TG: variants seen among roughly 807,000 people sequenced by gnomAD.
TG encodes thyroid hormones.
Under a neutral mutation model 324.7 loss-of-function variants are expected in TG, and 270 were observed. That is an observed-to-expected ratio of 0.83 (90% CI 0.75 to 0.92). The LOEUF (loss-of-function observed/expected upper bound fraction) is 0.92. Ranked by LOEUF, TG falls within the 40% of genes least tolerant of loss-of-function variation. TG has a pLI of 0.00. For synonymous variants in TG, 1,401 were observed against 1,327.0 expected, an observed-to-expected ratio of 1.06 and a Z score of -1.21; for missense variants, 3,591 against 3,456.4, an observed-to-expected ratio of 1.04 and a Z score of -0.98.
At chr8:132,909,921 T>C (rs1026922009) in intron 18 of TG, among the ~76,000 whole-genome samples, 14 of 152,336 alleles carry the variant, frequency 9.2e-5, no homozygotes, top group African/African-American at 3.1e-4. Context: ...AAATTCTCCA[T>C]TTGTAATGTG....
intron 25 of TG, among the ~76,000 whole-genome samples, chr8:132,938,495 G>A (rs1823938256): frequency 6.6e-6 from 1 of 152,188 alleles, no homozygotes; most frequent in Non-Finnish European, 1.5e-5. Context: ...GAGTCTGAAA[G>A]GCCTTCCTGG....
At chr8:132,869,416 A>G (rs1839266033) in intron 2 of TG, among the ~76,000 whole-genome samples, 3 of 152,106 alleles carry the variant, frequency 2.0e-5, no homozygotes, top group Admixed American at 2.0e-4. Context: ...CAGCCTCATA[A>G]TGCCTGAGGA....
intron 8 of TG, among the ~76,000 whole-genome samples, chr8:132,883,996 C>T (rs920326816): frequency 6.6e-6 from 1 of 152,176 alleles, no homozygotes; most frequent in African/African-American, 2.4e-5. Context: ...TGCCAGCAAT[C>T]TGTGCATTCT....
intron 25 of TG, among the ~76,000 whole-genome samples, chr8:132,940,674 C>T (rs1220998132): frequency 2.0e-5 from 3 of 152,230 alleles, no homozygotes; most frequent in Non-Finnish European, 4.4e-5. Context: ...AGGGAAAACT[C>T]TGCAATGGTC....
chr8:132,881,851 A>G lies in TG; in HGVS notation c.639-12A>G. The G allele has an allele frequency of 6.3e-7, 1 of 1,591,722 alleles. No individual in the cohort carries two copies. Among genetic ancestry groups the G allele is most frequent in the South Asian group, 1.1e-5 (1 of 90,666 alleles). On this transcript the variant is annotated splice_polypyrimidine_tract_variant and intron_variant, in intron 5 of 47. Coordinates refer to ENST00000220616, the MANE Select transcript of TG (RefSeq NM_003235.5). The stretch of plus-strand genomic sequence containing the variant: ...TTTATGAATGGTGACCGTAAATCTC[A>G]TTCTCTCCAAGGTTTCCAGATGCAT...
Position 133,017,887 on chromosome 8 carries a change from A to G in TG, c.6672A>G (p.Gln2224=). ...TCCAGGTGGGTACCTCATGGAAGCA[A>G]GTGGACCAGTTCCTTGGAGTTCCAT... ...QAIQVGTSWK[Q]VDQFLGVPYA... The change falls in exon 38 of 48, where the codon CAA becomes CAG. Residue 2224 remains glutamine, a synonymous_variant. Coordinates refer to ENST00000220616, the MANE Select transcript of TG (RefSeq NM_003235.5). 6.2e-7 allele frequency: 1 copy of G among 1,614,084 alleles called. No homozygotes were observed. Among genetic ancestry groups the G allele is most frequent in the Non-Finnish European group, 8.5e-7 (1 of 1,180,002 alleles).
chr8:133,067,740 C>T (rs1564145010), intron 41 of TG, among the ~76,000 whole-genome samples: 2 of 151,524 alleles, frequency 1.3e-5, no homozygotes, highest in Non-Finnish European at 2.9e-5. Context: ...CGCACCGCTG[C>T]ACATTCCAGC....
At chr8:133,059,397 G>A (rs1207327626) in intron 41 of TG, among the ~76,000 whole-genome samples, 2 of 152,228 alleles carry the variant, frequency 1.3e-5, no homozygotes, top group Admixed American at 6.5e-5. Flanking sequence ...TGGATTTGAT[G>A]TTCAGCCTTT....
Position 132,898,550 on chromosome 8 carries a change from C to T in TG, c.3218-248C>T, listed in dbSNP as rs561132896. Among the ~76,000 whole-genome samples the T allele has an allele frequency of 1.6e-3, 241 of 152,312 alleles. 7 individuals carry two copies. The South Asian group carries it at 0.047, about 30-fold the overall frequency. ...CAGCCACTCCTGTAGTTTCAGCAACCGCCTCGCCTCTGAACCTGCAGCCCC... is the reference window on the plus strand; with the variant it reads ...CAGCCACTCCTGTAGTTTCAGCAACTGCCTCGCCTCTGAACCTGCAGCCCC... On this transcript the variant is annotated intron_variant, in intron 13 of 47. Coordinates refer to ENST00000220616, the MANE Select transcript of TG (RefSeq NM_003235.5).
chr8:132,916,948 A>C (rs1416733515), intron 20 of TG, among the ~76,000 whole-genome samples: 6 of 149,532 alleles, frequency 4.0e-5, no homozygotes, highest in African/African-American at 1.5e-4. Context: ...CTGCTTACCT[A>C]CTTTCCTTCC....
chr8:132,886,860 C>A lies in TG; in HGVS notation c.1488C>A (p.Asn496Lys). ...CCCTTGGCACAAGAGGCACATTTAA[C>A]TTCAGTCAATTTTTCCAGCAACTTG... ...SGALGTRGTFNFSQFFQQLGL... is the reference protein window; with the variant it reads ...SGALGTRGTFKFSQFFQQLGL... Residue 496 changes from asparagine (N) to lysine (K), a missense_variant, in exon 9 of 48, where the codon AAC becomes AAA. Coordinates refer to ENST00000220616, the MANE Select transcript of TG (RefSeq NM_003235.5). 1.9e-6 allele frequency: 3 copies of A among 1,614,140 alleles called. No individual in the cohort carries two copies. The highest frequency in any genetic ancestry group is 2.5e-6 in the Non-Finnish European group (3 of 1,180,030).
At chr8:133,075,120 C>G in intron 41 of TG, 5 of 985,456 alleles carry the variant, frequency 5.1e-6, no homozygotes, top group Non-Finnish European at 6.0e-6. Flanking sequence ...GCAAGCTTCT[C>G]TCTGCAAGGA....
rs554280427 is a variant in TG, at chr8:132,901,311, G to T, written c.3434-42G>T. On this transcript the variant is annotated intron_variant, in intron 15 of 47. Coordinates refer to ENST00000220616, the MANE Select transcript of TG (RefSeq NM_003235.5). ...GTGATTGGGCATCTGAGCAGGGAGT[G>T]GGCACTGATTCCCCAGCCCATCTGG... The T allele has an allele frequency of 9.3e-6, 15 of 1,609,908 alleles. No individual in the cohort carries two copies. The South Asian group carries it at 1.5e-4, about 17-fold the overall frequency.
chr8:132,965,424 A>C (rs1362581264), intron 29 of TG, among the ~76,000 whole-genome samples: 1 of 152,222 alleles, frequency 6.6e-6, no homozygotes, highest in South Asian at 2.1e-4. Flanking sequence ...AAGCACTACA[A>C]GGAAAGTGCA....
chr8:133,090,093 T>C (rs1847250212), intron 41 of TG: 1 of 152,258 alleles, frequency 6.6e-6, no homozygotes, highest in Non-Finnish European at 1.5e-5. Context: ...TTGAGACTTA[T>C]GCTTCTTTGT....
Position 132,967,829 on chromosome 8 carries a change from G to T in TG, c.5722G>T (p.Glu1908Ter). Reference sequence around the variant, plus strand: ...GGAGCACTCTTTCTGTCAGCTCGCAGAGATAACAGAGAGTGCATCCTTGTA... The same window carrying T: ...GGAGCACTCTTTCTGTCAGCTCGCATAGATAACAGAGAGTGCATCCTTGTA... ...VQEHSFCQLA[E>*]ITESASLYFT... Residue 1908 changes from glutamate (E) to a stop codon, truncating the protein, a stop_gained, in exon 31 of 48, where the codon GAG becomes TAG. Transcript: ENST00000220616. LOFTEE classifies it high-confidence loss of function. The T allele has an allele frequency of 6.2e-7, 1 of 1,613,944 alleles. No individual in the cohort carries two copies. The highest frequency in any genetic ancestry group is 8.5e-7 in the Non-Finnish European group (1 of 1,179,902).
intron 43 of TG, among the ~76,000 whole-genome samples, chr8:133,107,526 A>T (rs776550336): frequency 2.6e-5 from 4 of 151,890 alleles, no homozygotes; most frequent in Non-Finnish European, 5.9e-5. Context: ...CCGCCTGCTG[A>T]CTCTCTAATT....
intron 41 of TG, among the ~76,000 whole-genome samples, chr8:133,081,666 C>T (rs997295340): frequency 3.9e-5 from 6 of 152,200 alleles, no homozygotes; most frequent in African/African-American, 9.7e-5. Flanking sequence ...TTCGTTCAAG[C>T]TGTTCTCTTC....
chr8:132,906,925 C>G, intron 17 of TG, 25 bp downstream of exon 17: 2 of 1,589,222 alleles, frequency 1.3e-6, no homozygotes, highest in Non-Finnish European at 1.7e-6. Context: ...AGCATCTATC[C>G]TGCACCCCGC....
Sources: allele counts gnomAD v4.1 joint callset (sites outside exome capture counted in the v4.1 genomes callset), GRCh38; gene constraint gnomAD v4.1.1; transcripts MANE v1.5; gene names NCBI Gene and HGNC (gene_info 2026-07-23, HGNC 2026-07-21).